The following STK32B variants were observed in gnomAD, a reference collection of about 807,000 sequenced individuals.
STK32B encodes serine/threonine-protein kinase 32B.
Under a neutral mutation model 52.6 loss-of-function variants are expected in STK32B, and 43 were observed. That is an observed-to-expected ratio of 0.82 (90% CI 0.64 to 1.05). The LOEUF is 1.05. Among genes scored for constraint, STK32B ranks in the 50% least tolerant of loss-of-function variants. The pLI, the probability that STK32B is intolerant of heterozygous loss-of-function variation, is 0.00. For synonymous variants in STK32B, 238 were observed against 204.3 expected, an observed-to-expected ratio of 1.17 and a Z score of -1.41; for missense variants, 621 against 534.6, an observed-to-expected ratio of 1.16 and a Z score of -1.59.
chr4:5,136,606 A>T (rs992747558), intron 1 of STK32B, among the ~76,000 whole-genome samples: 13 of 152,228 alleles, frequency 8.5e-5, no homozygotes, highest in Non-Finnish European at 1.5e-4. Context: ...AACCAGGACA[A>T]GATGGTCACC....
chr4:5,497,018 T>C (rs1577068567), intron 11 of STK32B, among the ~76,000 whole-genome samples: 3 of 152,300 alleles, frequency 2.0e-5, no homozygotes, highest in South Asian at 2.1e-4. Flanking sequence ...TTTAAGATGG[T>C]ATATTGTAGT....
At chr4:5,466,506 G>A (rs547285850) in intron 9 of STK32B, among the ~76,000 whole-genome samples, 197 bp from the exon 10 acceptor site, 48 of 152,294 alleles carry the variant, frequency 3.2e-4, no homozygotes, top group African/African-American at 9.4e-4. Flanking sequence ...GGGGGACTAT[G>A]TGTAAATATA....
At chr4:5,293,726 C>T (rs939344264) in intron 3 of STK32B, among the ~76,000 whole-genome samples, 1 of 152,068 alleles carries the variant, frequency 6.6e-6, no homozygotes, top group Non-Finnish European at 1.5e-5. Flanking sequence ...AATTTTCTCC[C>T]ATTCCGTAGG....
chr4:5,129,355 C>T (rs1457983989), intron 1 of STK32B, among the ~76,000 whole-genome samples: 1 of 152,216 alleles, frequency 6.6e-6, no homozygotes, highest in Non-Finnish European at 1.5e-5. Context: ...CTTCCCTCCA[C>T]CTTCCTCAAG....
chr4:5,455,078 C>G (rs1207436249), intron 7 of STK32B, among the ~76,000 whole-genome samples: 1 of 152,212 alleles, frequency 6.6e-6, no homozygotes. Flanking sequence ...GGAAAAAAAG[C>G]TCCCTTCTGG....
At chr4:5,479,496 C>T (rs1418306323) in intron 11 of STK32B, among the ~76,000 whole-genome samples, 1 of 152,144 alleles carries the variant, frequency 6.6e-6, no homozygotes, top group African/African-American at 2.4e-5. Flanking sequence ...TTAATAGTTC[C>T]AGAAAGCAGA....
chr4:5,466,054 G>T (rs1345578036), intron 9 of STK32B, among the ~76,000 whole-genome samples: 2 of 152,220 alleles, frequency 1.3e-5, no homozygotes, highest in African/African-American at 4.8e-5. Flanking sequence ...TAGCCACCGG[G>T]CTGCATTGCC....
At chr4:5,264,797 A>T (rs568028745) in intron 3 of STK32B, among the ~76,000 whole-genome samples, 49 of 152,228 alleles carry the variant, frequency 3.2e-4, no homozygotes, top group African/African-American at 1.0e-3. Context: ...AAACAAAAAA[A>T]AAAATTGTTG....
chr4:5,124,137 A>C (rs1167317508), intron 1 of STK32B, among the ~76,000 whole-genome samples: 1 of 152,202 alleles, frequency 6.6e-6, no homozygotes, highest in Non-Finnish European at 1.5e-5. Flanking sequence ...TTTGTTGGCC[A>C]GGGGAACTAT....
intron 1 of STK32B, among the ~76,000 whole-genome samples, chr4:5,072,465 C>G (rs1263218949): frequency 6.6e-6 from 1 of 152,130 alleles, no homozygotes; most frequent in Admixed American, 6.6e-5. Context: ...TGCAGAAACC[C>G]CCTTACCTGT....
At chr4:5,387,342 G>C (rs566679660) in intron 4 of STK32B, among the ~76,000 whole-genome samples, 2 of 152,166 alleles carry the variant, frequency 1.3e-5, no homozygotes, top group South Asian at 2.1e-4. Context: ...GCCCTGATTC[G>C]ATGGAACTCA....
chr4:5,465,293 C>T (rs1404567543), intron 9 of STK32B, among the ~76,000 whole-genome samples: 1 of 152,092 alleles, frequency 6.6e-6, no homozygotes, highest in Non-Finnish European at 1.5e-5. Context: ...TGCACTAGTG[C>T]CCTCATCTTA....
At chr4:5,310,845 A>G (rs1253330779) in intron 3 of STK32B, among the ~76,000 whole-genome samples, 2 of 152,342 alleles carry the variant, frequency 1.3e-5, no homozygotes, top group Admixed American at 6.5e-5. Flanking sequence ...TACATGATAG[A>G]GTACTATTTA....
rs1399093402 is a variant in STK32B, at chr4:5,378,481, T to C, written c.435-19726T>C. Reference sequence around the variant, plus strand: ...TACAATTATCATGATTCCTGATACATTTGAACTTGTTTATTTCTAATTCCT... The same window carrying C: ...TACAATTATCATGATTCCTGATACACTTGAACTTGTTTATTTCTAATTCCT... On this transcript the variant is annotated intron_variant, in intron 4 of 11. Transcript: ENST00000282908. This position sits in a 1 kb window ranked among gnomAD's most constrained non-coding sequence, Gnocchi z 4.4. Among the ~76,000 whole-genome samples the C allele has an allele frequency of 1.3e-5, 2 of 152,240 alleles. No individual in the cohort carries two copies. The highest frequency in any genetic ancestry group is 2.9e-5 in the Non-Finnish European group (2 of 68,042).
chr4:5,246,742 C>T (rs56847768), intron 3 of STK32B, among the ~76,000 whole-genome samples: 14,114 of 152,120 alleles, frequency 0.093, 1,113 homozygotes, highest in African/African-American at 0.21. Flanking sequence ...GACATACATA[C>T]GGGTTTTTGG....
At chr4:5,387,711 G>C (rs531095591) in intron 4 of STK32B, among the ~76,000 whole-genome samples, 13 of 152,298 alleles carry the variant, frequency 8.5e-5, no homozygotes, top group Admixed American at 5.9e-4. Context: ...GGCATCAGAG[G>C]AGCTGGCATG....
intron 1 of STK32B, among the ~76,000 whole-genome samples, chr4:5,074,348 T>G (rs537458447): frequency 3.9e-5 from 6 of 152,014 alleles, no homozygotes; most frequent in Non-Finnish European, 8.8e-5. Context: ...AGATATTATA[T>G]TTTCTAGTTC....
chr4:5,338,294 C>T (rs542038015), intron 4 of STK32B, among the ~76,000 whole-genome samples: 5 of 152,204 alleles, frequency 3.3e-5, no homozygotes, highest in Admixed American at 6.5e-5. Flanking sequence ...TATTGTTCAG[C>T]GTAATACACA....
At chr4:5,307,621 G>T (rs1730015430) in intron 3 of STK32B, among the ~76,000 whole-genome samples, 1 of 148,826 alleles carries the variant, frequency 6.7e-6, no homozygotes, top group African/African-American at 2.5e-5. Context: ...TTGATCTGCT[G>T]AATCCTTCTT....
Sources: gnomAD v4.1 joint callset for allele counts (sites outside exome capture counted in the v4.1 genomes callset) on GRCh38, gnomAD v4.1.1 for gene constraint, Gnocchi (gnomAD v3.1) non-coding constraint, MANE v1.5 for transcripts, NCBI Gene and HGNC (gene_info 2026-07-23, HGNC 2026-07-21) for gene names.